Variants in CRTAC1 observed in about 807,000 individuals in gnomAD.
The protein encoded by CRTAC1 is acidic secreted protein in cartilage.
A neutral mutation model predicts 67.8 loss-of-function variants in CRTAC1; 37 were observed. That is an observed-to-expected ratio of 0.55 (90% CI 0.42 to 0.72). The LOEUF is 0.72. Among genes scored for constraint, CRTAC1 ranks in the 30% least tolerant of loss-of-function variants. The pLI is 0.00. For synonymous variants in CRTAC1, 348 were observed against 371.0 expected (o/e 0.94, Z 0.71); for missense variants, 780 against 931.6 (o/e 0.84, Z 2.12).
Position 97,923,414 on chromosome 10 carries a change from G to A in CRTAC1, c.422-14C>T. On this transcript the variant is annotated splice_polypyrimidine_tract_variant and intron_variant, in intron 3 of 14. Transcript: ENST00000370597. ...ACGTGGCCACCCCTGGAGAGAGGAG[G>A]AAAGGGAGGGCTGGTGGACAGTGGA... The A allele has an allele frequency of 1.2e-6, 2 of 1,614,052 alleles. No individual in the cohort carries two copies. Among genetic ancestry groups the A allele is most frequent in the East Asian group, 2.2e-5 (1 of 44,866 alleles).
At chr10:98,013,171 G>A (rs971211128) in intron 1 of CRTAC1, among the ~76,000 whole-genome samples, 11 of 152,116 alleles carry the variant, frequency 7.2e-5, no homozygotes, top group Non-Finnish European at 1.6e-4. Context: ...TCAATTTGAG[G>A]GCCAAATCCA....
chr10:97,909,002 T>C (rs978749106), intron 5 of CRTAC1, among the ~76,000 whole-genome samples: 1 of 152,232 alleles, frequency 6.6e-6, no homozygotes, highest in Non-Finnish European at 1.5e-5. Flanking sequence ...TGGCCTTTTT[T>C]CTTTGAATGT....
At chr10:97,990,066 A>C (rs186684091) in intron 2 of CRTAC1, among the ~76,000 whole-genome samples, 3 of 152,352 alleles carry the variant, frequency 2.0e-5, no homozygotes, top group Non-Finnish European at 4.4e-5. Flanking sequence ...GAACACTTTC[A>C]GGTGTGACGA....
intron 5 of CRTAC1, among the ~76,000 whole-genome samples, chr10:97,912,263 C>T (rs2050696954): frequency 6.6e-6 from 1 of 152,178 alleles, no homozygotes; most frequent in Non-Finnish European, 1.5e-5. Flanking sequence ...TTTCCCAGCA[C>T]TTTCAGGCTT....
intron 2 of CRTAC1, among the ~76,000 whole-genome samples, chr10:97,937,485 G>A (rs2051108303): frequency 6.6e-6 from 1 of 152,202 alleles, no homozygotes; most frequent in South Asian, 2.1e-4. Context: ...TCTCTGTCTG[G>A]TCCCACTAGA....
chr10:97,900,893 C>T (rs552793982), intron 8 of CRTAC1, among the ~76,000 whole-genome samples: 9 of 117,436 alleles, frequency 7.7e-5, no homozygotes, highest in South Asian at 3.1e-4. Context: ...GATTGGAGCC[C>T]GTAGCCCCTT....
intron 2 of CRTAC1, among the ~76,000 whole-genome samples, chr10:97,994,541 T>C (rs1189098095): frequency 6.6e-6 from 1 of 152,140 alleles, no homozygotes; most frequent in African/African-American, 2.4e-5. Flanking sequence ...GACGCATAGA[T>C]CTGTGGACCT....
At chr10:97,956,087 T>A (rs538224745) in intron 2 of CRTAC1, among the ~76,000 whole-genome samples, 1 of 152,176 alleles carries the variant, frequency 6.6e-6, no homozygotes, top group Admixed American at 6.5e-5. Flanking sequence ...ACGATTACAG[T>A]TGCTTCCAGA....
chr10:97,927,134 C>T (rs148378473), intron 3 of CRTAC1, among the ~76,000 whole-genome samples: 8 of 152,314 alleles, frequency 5.3e-5, no homozygotes, highest in East Asian at 1.9e-4. Context: ...AGAGTTCCTG[C>T]GTTAGCTATC....
At position 97,951,499 on chromosome 10, in the gene CRTAC1, G is replaced by A. The variant is rs886713347; in HGVS notation, c.225-15133C>T. On this transcript the variant is annotated intron_variant, in intron 2 of 14. Transcript: ENST00000370597. ...GGCTGCCTTGAATTTCCTCAGCCAA[G>A]CATTGACACTGATCAGAATCTGGAT... is the stretch of plus-strand genomic sequence containing the variant. Among the ~76,000 whole-genome samples, 5 of 152,308 alleles carry A rather than the reference G, an allele frequency of 3.3e-5. No homozygotes were observed. The South Asian group carries it at 1.0e-3, about 32-fold the overall frequency.
At chr10:97,893,735 T>C (rs539358339) in intron 11 of CRTAC1, among the ~76,000 whole-genome samples, 1 of 152,302 alleles carries the variant, frequency 6.6e-6, no homozygotes, top group East Asian at 1.9e-4. Context: ...TTGATGATGG[T>C]CACACCCACC....
intron 3 of CRTAC1, among the ~76,000 whole-genome samples, chr10:97,931,580 A>C (rs1425015313): frequency 2.0e-5 from 3 of 152,262 alleles, no homozygotes; most frequent in Non-Finnish European, 2.9e-5. Flanking sequence ...CAAAGAGTGG[A>C]ACCATGAGTT....
At chr10:98,008,051 C>T (rs1201334051) in intron 2 of CRTAC1, among the ~76,000 whole-genome samples, 1 of 152,174 alleles carries the variant, frequency 6.6e-6, no homozygotes, top group Non-Finnish European at 1.5e-5. Context: ...ACCTCAGCGA[C>T]TGGGCCCATG....
chr10:98,018,526 A>G (rs1843050478), intron 1 of CRTAC1, among the ~76,000 whole-genome samples: 1 of 152,168 alleles, frequency 6.6e-6, no homozygotes, highest in South Asian at 2.1e-4. Flanking sequence ...CCATGTAGCC[A>G]AACTCAGTTT....
At chr10:97,877,102 C>T (rs552873741) in intron 14 of CRTAC1, among the ~76,000 whole-genome samples, 1 of 152,196 alleles carries the variant, frequency 6.6e-6, no homozygotes, top group East Asian at 1.9e-4. Flanking sequence ...GGGTCTCTAT[C>T]ACATTCCTCA....
At chr10:98,028,499 T>C (rs1010208511) in intron 1 of CRTAC1, among the ~76,000 whole-genome samples, 6 of 152,132 alleles carry the variant, frequency 3.9e-5, no homozygotes, top group African/African-American at 9.7e-5. Context: ...TGGTATTCTT[T>C]CTATAGAAGT....
At chr10:97,989,336 G>A (rs1323074333) in intron 2 of CRTAC1, among the ~76,000 whole-genome samples, 1 of 152,148 alleles carries the variant, frequency 6.6e-6, no homozygotes, top group Non-Finnish European at 1.5e-5. Flanking sequence ...GAGATGTGTT[G>A]TTAGGTGATT....
intron 11 of CRTAC1, among the ~76,000 whole-genome samples, chr10:97,886,014 T>G (rs1462770369): frequency 6.6e-6 from 1 of 152,214 alleles, no homozygotes; most frequent in Non-Finnish European, 1.5e-5. Flanking sequence ...GGACGGTAGT[T>G]GGCAAAATGT....
chr10:97,884,834 C>T (rs1026158432), intron 11 of CRTAC1, among the ~76,000 whole-genome samples: 3 of 152,184 alleles, frequency 2.0e-5, no homozygotes, highest in Non-Finnish European at 4.4e-5. Context: ...GTCTGGCATT[C>T]AAATCATGGC....
Sources: allele counts gnomAD v4.1 joint callset (sites outside exome capture counted in the v4.1 genomes callset), GRCh38; gene constraint gnomAD v4.1.1; transcripts MANE v1.5; gene names NCBI Gene and HGNC (gene_info 2026-07-23, HGNC 2026-07-21).